GRIN2A: variants seen among roughly 807,000 people sequenced by gnomAD.
The protein encoded by GRIN2A is glutamate receptor ionotropic, NMDA 2A.
In GRIN2A, 22 loss-of-function variants were observed where a neutral mutation model predicts 113.4. That is an observed-to-expected ratio of 0.19 (90% confidence interval 0.14 to 0.28). The LOEUF (loss-of-function observed/expected upper bound fraction) is 0.28. Among genes scored for constraint, GRIN2A ranks in the 10% least tolerant of loss-of-function variants. The pLI is 1.00. For synonymous variants in GRIN2A, 827 were observed against 738.4 expected (o/e 1.12, Z -1.94); for missense variants, 1,502 against 1,887.0 (o/e 0.80, Z 3.78).
chr16:9,883,227 T>C (rs1286954868), intron 4 of GRIN2A, among the ~76,000 whole-genome samples: 1 of 152,168 alleles, frequency 6.6e-6, no homozygotes, highest in Non-Finnish European at 1.5e-5. Context: ...TAGTTATTGG[T>C]ACAGAGTAGC....
At chr16:10,085,870 T>C (rs1373889032) in intron 2 of GRIN2A, among the ~76,000 whole-genome samples, 1 of 152,208 alleles carries the variant, frequency 6.6e-6, no homozygotes, top group Non-Finnish European at 1.5e-5. Context: ...ATTTTATTTT[T>C]ATTTCTAGGA....
At chr16:10,112,119 G>C (rs1218333068) in intron 2 of GRIN2A, 1 of 596,442 alleles carries the variant, frequency 1.7e-6, no homozygotes, top group Non-Finnish European at 3.1e-6. Flanking sequence ...GCTGTGCAGG[G>C]CAGCTGTGGG....
chr16:10,055,095 AAGAAAGAAAG>A (rs1277848763), intron 2 of GRIN2A, among the ~76,000 whole-genome samples: 4 of 89,950 alleles, frequency 4.4e-5, no homozygotes, highest in South Asian at 4.3e-4. Context: ...AGAAAAAAGA[AAGAAAGAAAG>A]AAAAAAGAAA....
At chr16:9,831,507 T>A (rs2042494730) in intron 8 of GRIN2A, among the ~76,000 whole-genome samples, 2 of 148,096 alleles carry the variant, frequency 1.4e-5, no homozygotes. Flanking sequence ...TTTTTTTTTT[T>A]TCTTTTCTTT....
chr16:10,102,396 AT>A (rs1339844173), intron 2 of GRIN2A, among the ~76,000 whole-genome samples: 3 of 152,102 alleles, frequency 2.0e-5, no homozygotes, highest in Non-Finnish European at 4.4e-5. Flanking sequence ...TTCCACCATG[AT>A]TGGAAGCCTC....
intron 2 of GRIN2A, among the ~76,000 whole-genome samples, chr16:10,109,984 C>T (rs894177255): frequency 6.6e-6 from 1 of 152,038 alleles, no homozygotes; most frequent in Non-Finnish European, 1.5e-5. Context: ...ATGTGCCATG[C>T]TGGTGTGCTG....
chr16:10,144,690 G>A lies in GRIN2A; in HGVS notation c.414+35308C>T, dbSNP rs188076980. Among the ~76,000 whole-genome samples, 122 of 152,142 alleles carry A rather than the reference G, an allele frequency of 8.0e-4. 1 individual carries two copies. In the South Asian group the frequency reaches 1.0e-2, roughly 12 times the overall value. ...GCATTATTCAGAACAGCCAAGATAC[G>A]GAAATAACCTAAATGTCCATCAAGA... On this transcript the variant is annotated intron_variant, in intron 2 of 12. Coordinates refer to ENST00000330684, the MANE Select transcript of GRIN2A (RefSeq NM_001134407.3).
chr16:9,965,406 A>G (rs1247977802), intron 2 of GRIN2A, among the ~76,000 whole-genome samples: 2 of 152,226 alleles, frequency 1.3e-5, no homozygotes, highest in East Asian at 1.9e-4. Flanking sequence ...CCTCAATATC[A>G]TTAAAAGTTG....
chr16:10,128,224 T>G (rs1384805418), intron 2 of GRIN2A, among the ~76,000 whole-genome samples: 1 of 152,212 alleles, frequency 6.6e-6, no homozygotes, highest in East Asian at 1.9e-4. Flanking sequence ...TGGCTGATTT[T>G]AGTCTGTATC....
At chr16:9,796,863 C>T (rs1461261509) in intron 11 of GRIN2A, among the ~76,000 whole-genome samples, 1 of 152,170 alleles carries the variant, frequency 6.6e-6, no homozygotes, top group Non-Finnish European at 1.5e-5. Context: ...AAAAAGCTGA[C>T]CAACACAGCC....
intron 11 of GRIN2A, among the ~76,000 whole-genome samples, chr16:9,780,289 G>T (rs1901865575): frequency 6.6e-6 from 1 of 152,096 alleles, no homozygotes; most frequent in South Asian, 2.1e-4. Context: ...GTGCCTTTGT[G>T]CACAAGAAAG....
At chr16:9,993,348 G>A (rs1157487049) in intron 2 of GRIN2A, among the ~76,000 whole-genome samples, 3 of 151,986 alleles carry the variant, frequency 2.0e-5, no homozygotes, top group African/African-American at 4.8e-5. Flanking sequence ...CCAGGAGTTC[G>A]AGACTAGTCT....
chr16:9,880,404 C>T (rs56088751), intron 4 of GRIN2A, among the ~76,000 whole-genome samples: 4,300 of 152,120 alleles, frequency 0.028, 60 homozygotes, highest in East Asian at 0.057. Flanking sequence ...ATGGCAAAAC[C>T]CACGATTACT....
At chr16:9,870,783 A>G (rs2043246310) in intron 4 of GRIN2A, among the ~76,000 whole-genome samples, 5 of 151,982 alleles carry the variant, frequency 3.3e-5, no homozygotes, top group Admixed American at 2.6e-4. Context: ...AACTACAGGC[A>G]CACACTGCCA....
chr16:9,886,722 T>C (rs1185387331), intron 4 of GRIN2A, among the ~76,000 whole-genome samples: 1 of 152,126 alleles, frequency 6.6e-6, no homozygotes, highest in Non-Finnish European at 1.5e-5. Flanking sequence ...AGACGAACCA[T>C]GAAGTCAGGG....
At chr16:10,104,776 C>T (rs549109085) in intron 2 of GRIN2A, among the ~76,000 whole-genome samples, 50 of 152,266 alleles carry the variant, frequency 3.3e-4, no homozygotes, top group African/African-American at 1.0e-3. Flanking sequence ...CCATGAACAT[C>T]GTAGACCCCA....
chr16:10,078,043 G>A (rs1318199342), intron 2 of GRIN2A, among the ~76,000 whole-genome samples: 3 of 152,160 alleles, frequency 2.0e-5, no homozygotes, highest in Admixed American at 1.3e-4. Context: ...GGTAAGGGCT[G>A]AATACCATTG....
intron 2 of GRIN2A, among the ~76,000 whole-genome samples, chr16:9,959,405 A>C (rs1397639534): frequency 6.6e-6 from 1 of 152,206 alleles, no homozygotes; most frequent in African/African-American, 2.4e-5. Context: ...ATAGGAGCTC[A>C]TAATAGGCTT....
rs1173897362 is a variant in GRIN2A at position 9,754,758 on chromosome 16, A to C, written c.*8391T>G. On this transcript the variant is annotated 3_prime_UTR_variant, in exon 13 of 13. Transcript: ENST00000330684. The stretch of plus-strand genomic sequence containing the variant: ...TGGCTAATGTAGAAACTTCGATTGA[A>C]TTCAAAAGGCTATGATTGTTTTTCA... 4.5e-6 allele frequency: 1 copy of C among 220,028 alleles called. No individual in the cohort carries two copies. The highest frequency in any genetic ancestry group is 2.2e-5 in the African/African-American group (1 of 44,626). The allele number at this position is 220,028 out of a possible 1,614,324, so 13.6% of individuals were successfully genotyped here.
Sources: allele counts gnomAD v4.1 joint callset (sites outside exome capture counted in the v4.1 genomes callset), GRCh38; gene constraint gnomAD v4.1.1; transcripts MANE v1.5; gene names NCBI Gene and HGNC (gene_info 2026-07-23, HGNC 2026-07-21).